Variants in INPP4A observed in about 807,000 individuals in gnomAD.
The protein encoded by INPP4A is inositol polyphosphate-4-phosphatase type I A, also known as inositol polyphosphate-4-phosphatase, type I, 107kD.
In INPP4A, 33 loss-of-function variants were observed where a neutral mutation model predicts 119.8. That is an observed-to-expected ratio of 0.28 (90% CI 0.21 to 0.37). The LOEUF (loss-of-function observed/expected upper bound fraction) is 0.37. Among genes scored for constraint, INPP4A ranks in the 10% least tolerant of loss-of-function variants. The pLI, the probability that INPP4A is intolerant of heterozygous loss-of-function variation, is 1.00. For synonymous variants in INPP4A, 496 were observed against 500.7 expected (o/e 0.99, Z 0.12); for missense variants, 956 against 1,289.9 (o/e 0.74, Z 3.97).
chr2:98,510,881 T>C (rs1374077322), intron 1 of INPP4A, among the ~76,000 whole-genome samples: 1 of 152,208 alleles, frequency 6.6e-6, no homozygotes, highest in Admixed American at 6.5e-5. Flanking sequence ...AGTTAACTCA[T>C]TGCCATTGCT....
intron 4 of INPP4A, among the ~76,000 whole-genome samples, chr2:98,526,164 C>T (rs1688152119): frequency 6.6e-6 from 1 of 152,106 alleles, no homozygotes; most frequent in South Asian, 2.1e-4. Context: ...CGAAAACATT[C>T]CATTTGTATG....
chr2:98,566,268 T>G lies in INPP4A; in HGVS notation c.2420+99T>G, dbSNP rs1432223653. 5 of 1,265,498 alleles carry G rather than the reference T, an allele frequency of 4.0e-6. No individual in the cohort carries two copies. The Admixed American group carries it at 1.3e-4, about 32-fold the overall frequency. The allele number at this position is 1,265,498 out of a possible 1,614,324, so 78.4% of individuals were successfully genotyped here. A position where few individuals can be genotyped will look rare whatever the true frequency, so the allele number is the denominator to read the frequency against. ...TTCAGGCTCTAAGTGCTGGACAGACTTTGTCATCCTTCCTTCCTTTGGCCA... is the reference window on the plus strand; with the variant it reads ...TTCAGGCTCTAAGTGCTGGACAGACGTTGTCATCCTTCCTTCCTTTGGCCA... On this transcript the variant is annotated intron_variant, in intron 21 of 24. Coordinates refer to ENST00000409851, the MANE Select transcript of INPP4A (RefSeq NM_001134225.2). The surrounding 1 kb of genome is among the most constrained non-coding windows in gnomAD (Gnocchi z 4.2).
At chr2:98,473,535 G>T in intron 1 of INPP4A, among the ~76,000 whole-genome samples, 1 of 152,010 alleles carries the variant, frequency 6.6e-6, no homozygotes, top group Admixed American at 6.6e-5. Context: ...AGTGTAGAGG[G>T]GCTGACACCG....
At chr2:98,526,235 G>T (rs965577312) in intron 4 of INPP4A, among the ~76,000 whole-genome samples, 1 of 152,192 alleles carries the variant, frequency 6.6e-6, no homozygotes, top group African/African-American at 2.4e-5. Context: ...AAAACTAGGA[G>T]ATTTGTACAA....
intron 23 of INPP4A, among the ~76,000 whole-genome samples, chr2:98,574,620 A>AGAGT (rs1490672228): frequency 1.3e-5 from 2 of 150,784 alleles, no homozygotes; most frequent in Non-Finnish European, 3.0e-5. Flanking sequence ...CCTGGGTGAT[A>AGAGT]GAGTGAGACT....
intron 1 of INPP4A, among the ~76,000 whole-genome samples, chr2:98,461,002 A>G (rs1342818820): frequency 6.6e-6 from 1 of 152,176 alleles, no homozygotes; most frequent in Non-Finnish European, 1.5e-5. Context: ...ACAGTGTGAA[A>G]TAGCTGGCTG....
At chr2:98,525,438 A>C (rs1688018850) in intron 4 of INPP4A, among the ~76,000 whole-genome samples, 1 of 152,232 alleles carries the variant, frequency 6.6e-6, no homozygotes, top group Non-Finnish European at 1.5e-5. Context: ...TTGCCATGTA[A>C]TGTAATCTAT....
intron 1 of INPP4A, among the ~76,000 whole-genome samples, chr2:98,465,548 A>G (rs896077371): frequency 6.6e-6 from 1 of 151,334 alleles, no homozygotes; most frequent in Admixed American, 6.6e-5. Context: ...GCATTATTTG[A>G]CCTGCCATAC....
intron 1 of INPP4A, among the ~76,000 whole-genome samples, chr2:98,488,125 T>C (rs1679927422): frequency 6.6e-6 from 1 of 152,222 alleles, no homozygotes; most frequent in Non-Finnish European, 1.5e-5. Context: ...TTAGCTCGTG[T>C]TCCTCTGACA....
chr2:98,514,677 A>C lies in INPP4A; in HGVS notation c.-165-4287A>C, dbSNP rs141689922. ...ACACCTGTAATCCCACCACTTTGGG[A>C]GGTCAAGGTGGGAGGATTGCTTGAA... On this transcript the variant is annotated intron_variant, in intron 1 of 24. Transcript: ENST00000409851. Among the ~76,000 whole-genome samples the C allele has an allele frequency of 8.6e-3, 1,314 of 152,244 alleles. 23 individuals are homozygous for C. Among genetic ancestry groups the C allele is most frequent in the African/African-American group, 0.03 (1,259 of 41,538 alleles).
chr2:98,510,596 A>G (rs1330703386), intron 1 of INPP4A, among the ~76,000 whole-genome samples: 1 of 152,180 alleles, frequency 6.6e-6, no homozygotes, highest in Admixed American at 6.5e-5. Flanking sequence ...GGGCCTACCT[A>G]GTTCCCTCCA....
Position 98,556,054 on chromosome 2 carries a change from C to G in INPP4A, c.1822+246C>G, listed in dbSNP as rs1575068792. 6.0e-6 allele frequency: 3 copies of G among 498,746 alleles called. No homozygotes were observed. In the East Asian group the frequency reaches 9.3e-5, roughly 15 times the overall value. 30.9% of individuals were successfully genotyped at this position (498,746 alleles called of 1,614,324 possible). On this transcript the variant is annotated intron_variant, in intron 16 of 24. Transcript: ENST00000409851. ...CTGCCAGTCAGAATCTCAGGGTCCT[C>G]TTGAGATACACCACCATGGCTATAA... is the stretch of plus-strand genomic sequence containing the variant.
At chr2:98,526,023 A>G (rs1196821658) in intron 4 of INPP4A, among the ~76,000 whole-genome samples, 1 of 152,262 alleles carries the variant, frequency 6.6e-6, no homozygotes, top group African/African-American at 2.4e-5. Context: ...TGTCACCTTT[A>G]TTTAATAGTT....
chr2:98,520,883 G>A (rs1574888715), intron 4 of INPP4A, 152 bp downstream of exon 4: 1 of 556,842 alleles, frequency 1.8e-6, no homozygotes, highest in South Asian at 2.3e-5. Context: ...AGCCCTCACA[G>A]TTGTGAACTT....
At position 98,507,574 on chromosome 2, in the gene INPP4A, C is replaced by T. The variant is rs113189439; in HGVS notation, c.-165-11390C>T. Reference sequence around the variant, plus strand: ...TGAAGCCCCCATGCTACAACGTGACCCCCACCCCCAGCCTGGGGGGCCTGG... The same window carrying T: ...TGAAGCCCCCATGCTACAACGTGACTCCCACCCCCAGCCTGGGGGGCCTGG... On this transcript the variant is annotated intron_variant, in intron 1 of 24. Transcript: ENST00000409851. Among the ~76,000 whole-genome samples the T allele has an allele frequency of 3.4e-3, 521 of 152,120 alleles. 1 individual carries two copies. Among genetic ancestry groups the T allele is most frequent in the Non-Finnish European group, 6.0e-3 (411 of 67,976 alleles).
At position 98,514,217 on chromosome 2, in the gene INPP4A, T is replaced by C. The variant is rs143366969; in HGVS notation, c.-165-4747T>C. Among the ~76,000 whole-genome samples the C allele has an allele frequency of 6.7e-3, 1,012 of 152,180 alleles. 16 individuals are homozygous for C. Among genetic ancestry groups the C allele is most frequent in the African/African-American group, 0.023 (946 of 41,522 alleles). On this transcript the variant is annotated intron_variant, in intron 1 of 24. Coordinates refer to ENST00000409851, the MANE Select transcript of INPP4A (RefSeq NM_001134225.2). ...AGGTCCAAGCCTAGCCTAGGGAATA[T>C]TGGGAGTAGGGGAGGCTCAGGGGAT... is the stretch of plus-strand genomic sequence containing the variant.
chr2:98,562,047 G>A (rs773971681), intron 17 of INPP4A, among the ~76,000 whole-genome samples: 13 of 152,212 alleles, frequency 8.5e-5, no homozygotes, highest in Non-Finnish European at 1.9e-4. Context: ...CGAGGGCCTT[G>A]CCTGTGGTCA....
chr2:98,529,697 C>G lies in INPP4A; in HGVS notation c.152-3680C>G, dbSNP rs546969127. 2.0e-5 allele frequency among the ~76,000 whole-genome samples: 3 copies of G among 152,084 alleles called. No individual in the cohort carries two copies. The East Asian group carries it at 5.8e-4, about 29-fold the overall frequency. ...CTTGCAGTGAGCTGAGATCGCGCCACTGCACTCCAGCCTGGGCAACAGAGT... is the reference window on the plus strand; with the variant it reads ...CTTGCAGTGAGCTGAGATCGCGCCAGTGCACTCCAGCCTGGGCAACAGAGT... On this transcript the variant is annotated intron_variant, in intron 4 of 24. Coordinates refer to ENST00000409851, the MANE Select transcript of INPP4A (RefSeq NM_001134225.2).
At chr2:98,577,273 G>A in intron 24 of INPP4A, 130 bp downstream of exon 24, 2 of 980,494 alleles carry the variant, frequency 2.0e-6, no homozygotes, top group South Asian at 2.0e-5. Flanking sequence ...TCACACTTGA[G>A]TTTGACAAAC....
Sources: allele counts gnomAD v4.1 joint callset (sites outside exome capture counted in the v4.1 genomes callset), GRCh38; gene constraint gnomAD v4.1.1; non-coding constraint Gnocchi (gnomAD v3.1); transcripts MANE v1.5; gene names NCBI Gene and HGNC (gene_info 2026-07-23, HGNC 2026-07-21).